C21orf91: variants seen among roughly 807,000 people sequenced by gnomAD.
The protein encoded by C21orf91 is protein EURL homolog.
A neutral mutation model predicts 32.9 loss-of-function variants in C21orf91; 26 were observed. The observed-to-expected ratio is 0.79, with a 90% CI of 0.58 to 1.10. The LOEUF (loss-of-function observed/expected upper bound fraction) is 1.10. Ranked by LOEUF, C21orf91 falls within the 50% of genes least tolerant of loss-of-function variation. C21orf91 has a pLI of 0.00. For missense variants in C21orf91, 310 were observed against 341.3 expected, an observed-to-expected ratio of 0.91 and a Z score of 0.72; for synonymous variants, 126 against 120.4, an observed-to-expected ratio of 1.05 and a Z score of -0.31.
chr21:17,818,362 A>C, intron 1 of C21orf91, 37 bp from the exon 2 acceptor site: 1 of 1,566,924 alleles, frequency 6.4e-7, no homozygotes, highest in African/African-American at 1.4e-5. Flanking sequence ...ACACAATTTC[A>C]TGAACCTGCC....
chr21:17,819,016 CGG>C (rs753282946), intron 1 of C21orf91: 1 of 152,180 alleles, frequency 6.6e-6, no homozygotes, highest in Non-Finnish European at 1.5e-5. Flanking sequence ...CCCATCGCTC[CGG>C]GATTCCTCCC....
chr21:17,795,325 C>T, intron 3 of C21orf91, 55 bp from the exon 4 acceptor site: 1 of 1,121,646 alleles, frequency 8.9e-7, no homozygotes. Context: ...AAACATGCTG[C>T]TTACATCACC....
intron 2 of C21orf91, chr21:17,810,643 A>G (rs1308584324): frequency 6.6e-6 from 1 of 152,236 alleles, no homozygotes; most frequent in East Asian, 1.9e-4. Context: ...AAGGCTAATT[A>G]GGATAAATAT....
rs1414366925 is a variant in C21orf91 at position 17,792,471 on chromosome 21, TCTTA to T, written c.*940_*943del. On this transcript the variant is annotated 3_prime_UTR_variant, in exon 5 of 5. Coordinates refer to ENST00000284881, the MANE Select transcript of C21orf91 (RefSeq NM_001100420.2). ...TTACCCAAAGTGGCACACAAAATAA[TCTTA>T]CTTTTTTTTTTCAAAGACAGAACAA... 7.4e-6 allele frequency: 1 copy of T among 134,940 alleles called. No individual in the cohort carries two copies. The highest frequency in any genetic ancestry group is 1.6e-5 in the Non-Finnish European group (1 of 63,824). 8.4% of individuals were successfully genotyped at this position (134,940 alleles called of 1,614,324 possible). A position where few individuals can be genotyped will look rare whatever the true frequency, so the allele number is the denominator to read the frequency against.
At chr21:17,816,204 CA>C (rs1349193872) in intron 2 of C21orf91, among the ~76,000 whole-genome samples, 1 of 152,090 alleles carries the variant, frequency 6.6e-6, no homozygotes, top group Non-Finnish European at 1.5e-5. Flanking sequence ...ACTATGATTT[CA>C]AAAACAAAGG....
rs945473161 is a variant in C21orf91, at chr21:17,792,432, G to A, written c.*983C>T. ...TGATAATACAATTTGGACAGTTTAA[G>A]TATTCTTGAAACTTTACCCAAAGTG... On this transcript the variant is annotated 3_prime_UTR_variant, in exon 5 of 5. Transcript: ENST00000284881. 1.3e-5 allele frequency: 2 copies of A among 151,694 alleles called. No homozygotes were observed. Among genetic ancestry groups the A allele is most frequent in the Admixed American group, 6.6e-5 (1 of 15,204 alleles). 9.4% of individuals were successfully genotyped at this position (151,694 alleles called of 1,614,324 possible). A position where few individuals can be genotyped will look rare whatever the true frequency, so the allele number is the denominator to read the frequency against.
intron 2 of C21orf91, among the ~76,000 whole-genome samples, chr21:17,806,779 G>C (rs1004494073): frequency 6.6e-6 from 1 of 152,142 alleles, no homozygotes; most frequent in African/African-American, 2.4e-5. Flanking sequence ...GGCAGAGGTT[G>C]CAGTGAGTCA....
intron 2 of C21orf91, among the ~76,000 whole-genome samples, chr21:17,803,248 T>C (rs1242262085): frequency 6.6e-6 from 1 of 152,224 alleles, no homozygotes; most frequent in Non-Finnish European, 1.5e-5. Flanking sequence ...TGGCCAGGTG[T>C]GGTGGCTCAT....
Position 17,793,241 on chromosome 21 carries a change from G to T in C21orf91, c.*174C>A. 4.6e-6 allele frequency: 2 copies of T among 433,530 alleles called. No individual in the cohort carries two copies. Among genetic ancestry groups the T allele is most frequent in the South Asian group, 8.0e-5 (1 of 12,554 alleles). 26.9% of individuals were successfully genotyped at this position (433,530 alleles called of 1,614,324 possible). A position where few individuals can be genotyped will look rare whatever the true frequency, so the allele number is the denominator to read the frequency against. ...AAATGAGCCAAAATGATTAGCCCTA[G>T]AAGACTAGAGTATAATGATCTGCTT... On this transcript the variant is annotated 3_prime_UTR_variant, in exon 5 of 5. Transcript: ENST00000284881.
chr21:17,812,559 C>A (rs1414092923), intron 2 of C21orf91, among the ~76,000 whole-genome samples: 1 of 152,184 alleles, frequency 6.6e-6, no homozygotes, highest in South Asian at 2.1e-4. Context: ...CCTGTAATCC[C>A]AGCACTTCGG....
chr21:17,800,086 A>G (rs1191505368), intron 2 of C21orf91, among the ~76,000 whole-genome samples: 1 of 152,164 alleles, frequency 6.6e-6, no homozygotes, highest in Non-Finnish European at 1.5e-5. Context: ...CAATCTGTCA[A>G]AGAAAATAAT....
chr21:17,799,551 TACA>T (rs1304940639), intron 2 of C21orf91, among the ~76,000 whole-genome samples: 15 of 152,256 alleles, frequency 9.9e-5, no homozygotes, highest in African/African-American at 3.1e-4. Context: ...ATCTAGCACC[TACA>T]ACATCTGAAA....
Position 17,792,859 on chromosome 21 carries a change from T to C in C21orf91, c.*556A>G, listed in dbSNP as rs1442939690. On this transcript the variant is annotated 3_prime_UTR_variant, in exon 5 of 5. Transcript: ENST00000284881. ...AAGCAAGGTAACCGTTGTGAAAACA[T>C]TGTATTAAGAGAATAAAATGCAGTG... The C allele has an allele frequency of 6.6e-6, 1 of 152,572 alleles. No homozygotes were observed. Among genetic ancestry groups the C allele is most frequent in the Non-Finnish European group, 1.5e-5 (1 of 68,024 alleles). The allele number at this position is 152,572 out of a possible 1,614,324, so 9.5% of individuals were successfully genotyped here. A position where few individuals can be genotyped will look rare whatever the true frequency, so the allele number is the denominator to read the frequency against.
chr21:17,808,324 G>C (rs2062611541), intron 2 of C21orf91, among the ~76,000 whole-genome samples: 1 of 152,222 alleles, frequency 6.6e-6, no homozygotes. Context: ...AAGAGTTGAG[G>C]CTTGGGAGCC....
At chr21:17,797,792 A>G (rs958214447) in intron 2 of C21orf91, among the ~76,000 whole-genome samples, 1 of 152,116 alleles carries the variant, frequency 6.6e-6, no homozygotes, top group African/African-American at 2.4e-5. Context: ...CAATCTGCCA[A>G]GATCCAACAG....
intron 2 of C21orf91, among the ~76,000 whole-genome samples, chr21:17,802,267 C>T (rs1240300648): frequency 1.3e-5 from 2 of 152,160 alleles, no homozygotes; most frequent in Admixed American, 1.3e-4. Context: ...TTCAAGCTAT[C>T]ATCATACCCC....
At chr21:17,809,232 A>G (rs958793380) in intron 2 of C21orf91, among the ~76,000 whole-genome samples, 1 of 152,222 alleles carries the variant, frequency 6.6e-6, no homozygotes, top group Non-Finnish European at 1.5e-5. Context: ...TAATTTGTTC[A>G]GCCAAATTAA....
intron 2 of C21orf91, among the ~76,000 whole-genome samples, chr21:17,800,508 T>C (rs887197742): frequency 4.6e-5 from 7 of 152,234 alleles, no homozygotes; most frequent in Admixed American, 2.6e-4. Context: ...GAAACAACCA[T>C]TGCTATTTCA....
At position 17,800,132 on chromosome 21, in the gene C21orf91, T is replaced by C. The variant is rs1001504264; in HGVS notation, c.128-3014A>G. Among the ~76,000 whole-genome samples the C allele has an allele frequency of 5.7e-4, 71 of 124,678 alleles. 1 individual carries two copies. The highest frequency in any genetic ancestry group is 2.4e-3 in the African/African-American group (69 of 28,750). The allele number at this position is 124,678 out of a possible 152,430, so 81.8% of individuals were successfully genotyped here. On this transcript the variant is annotated intron_variant, in intron 2 of 4. Transcript: ENST00000284881. Reference sequence around the variant, plus strand: ...TCAAATATATATTTTTAAATAGAAATTTACATACAGAAAATATACAAGAAG... The same window carrying C: ...TCAAATATATATTTTTAAATAGAAACTTACATACAGAAAATATACAAGAAG...
Sources: gnomAD v4.1 joint callset for allele counts (sites outside exome capture counted in the v4.1 genomes callset) on GRCh38, gnomAD v4.1.1 for gene constraint, MANE v1.5 for transcripts, NCBI Gene and HGNC (gene_info 2026-07-23, HGNC 2026-07-21) for gene names.